The following ERBB4 variants were observed in gnomAD, a reference collection of about 807,000 sequenced individuals.
ERBB4 encodes receptor tyrosine-protein kinase erbB-4.
Under a neutral mutation model 158.0 loss-of-function variants are expected in ERBB4, and 42 were observed. The observed-to-expected ratio is 0.27, with a 90% confidence interval of 0.21 to 0.34. The LOEUF is 0.34. ERBB4 is among the 10% of genes least tolerant of loss of function. The probability of loss-of-function intolerance (pLI) is 1.00; values close to 1 mark genes in which losing one functional copy is unlikely to be tolerated. For missense variants in ERBB4, 1,333 were observed against 1,624.1 expected, an observed-to-expected ratio of 0.82 and a Z score of 3.08; for synonymous variants, 583 against 558.7, an observed-to-expected ratio of 1.04 and a Z score of -0.61.
rs190368862 is a variant in ERBB4 at position 212,155,744 on chromosome 2, T to C, written c.83-30841A>G. Among the ~76,000 whole-genome samples the C allele has an allele frequency of 6.6e-3, 1,004 of 152,222 alleles. 7 individuals are homozygous for C. Among genetic ancestry groups the C allele is most frequent in the Middle Eastern group, 0.024 (7 of 294 alleles). ...ATGTAGCTGACAAATCAGAGTAGTT[T>C]TAGATATCTGTGTGTCATCAATAAA... On this transcript the variant is annotated intron_variant, in intron 1 of 27. Coordinates refer to ENST00000342788, the MANE Select transcript of ERBB4 (RefSeq NM_005235.3).
chr2:212,063,885 C>T (rs570328379), intron 2 of ERBB4, among the ~76,000 whole-genome samples: 1 of 152,234 alleles, frequency 6.6e-6, no homozygotes, highest in Non-Finnish European at 1.5e-5. Flanking sequence ...AATGCCCTCC[C>T]TCAGGAGTAG....
At chr2:211,474,577 G>T (rs549493578) in intron 20 of ERBB4, among the ~76,000 whole-genome samples, 1 of 152,156 alleles carries the variant, frequency 6.6e-6, no homozygotes, top group East Asian at 1.9e-4. Context: ...TTACCAAGGA[G>T]TGTACAGGAA....
chr2:212,491,895 T>C (rs954470667), intron 1 of ERBB4, among the ~76,000 whole-genome samples: 1 of 151,526 alleles, frequency 6.6e-6, no homozygotes, highest in Non-Finnish European at 1.5e-5. Flanking sequence ...CATTTCACAA[T>C]GTTCCTGAAT....
At chr2:212,470,838 T>G (rs897835291) in intron 1 of ERBB4, among the ~76,000 whole-genome samples, 1 of 152,060 alleles carries the variant, frequency 6.6e-6, no homozygotes, top group Non-Finnish European at 1.5e-5. Context: ...TTTCCTAAAT[T>G]TAATTCAAGG....
chr2:211,752,894 T>C lies in ERBB4; in HGVS notation c.557-2190A>G, dbSNP rs916818370. Among the ~76,000 whole-genome samples, 8 of 152,152 alleles carry C rather than the reference T, an allele frequency of 5.3e-5. No homozygotes were observed. The East Asian group carries it at 9.6e-4, about 18-fold the overall frequency. On this transcript the variant is annotated intron_variant, in intron 4 of 27. Coordinates refer to ENST00000342788, the MANE Select transcript of ERBB4 (RefSeq NM_005235.3). ...TTTTGTTGGTAGTTTCCATTTCCAC[T>C]TGACCTACACATTTCAAAATTCTAT...
intron 1 of ERBB4, among the ~76,000 whole-genome samples, chr2:212,126,099 TAATA>T (rs2079915989): frequency 6.6e-6 from 1 of 152,200 alleles, no homozygotes; most frequent in African/African-American, 2.4e-5. Context: ...AATGGACTGA[TAATA>T]AATAATCTGT....
At chr2:211,743,190 A>C (rs1487921852) in intron 5 of ERBB4, among the ~76,000 whole-genome samples, 2 of 152,238 alleles carry the variant, frequency 1.3e-5, no homozygotes, top group Non-Finnish European at 2.9e-5. Context: ...AGCAAGAAAC[A>C]TCACTTATAA....
chr2:211,831,675 G>A (rs532252107), intron 3 of ERBB4, among the ~76,000 whole-genome samples: 1 of 152,232 alleles, frequency 6.6e-6, no homozygotes, highest in African/African-American at 2.4e-5. Context: ...GCTGAGGTGG[G>A]TGGATCACCT....
rs73988622 is a variant in ERBB4, at chr2:211,619,063, A to G, written c.2301+114T>C. The G allele has an allele frequency of 6.5e-3, 4,527 of 701,242 alleles. 149 individuals carry two copies. The African/African-American group carries it at 0.071, about 11-fold the overall frequency. The allele number at this position is 701,242 out of a possible 1,614,324, so 43.4% of individuals were successfully genotyped here. A position where few individuals can be genotyped will look rare whatever the true frequency, so the allele number is the denominator to read the frequency against. On this transcript the variant is annotated intron_variant, in intron 19 of 27. Transcript: ENST00000342788. ...ATGTCTTTAATTATAAGATTATAATATTTCCATAAGAGAAATTTGTAAGTT... is the reference window on the plus strand; with the variant it reads ...ATGTCTTTAATTATAAGATTATAATGTTTCCATAAGAGAAATTTGTAAGTT...
intron 2 of ERBB4, among the ~76,000 whole-genome samples, chr2:212,120,600 C>T (rs1437617998): frequency 6.6e-6 from 1 of 151,962 alleles, no homozygotes; most frequent in Non-Finnish European, 1.5e-5. Context: ...TGGTTTCATA[C>T]AAAATAAAAC....
intron 2 of ERBB4, among the ~76,000 whole-genome samples, chr2:212,112,172 A>T (rs2125542314): frequency 6.6e-6 from 1 of 152,260 alleles, no homozygotes; most frequent in South Asian, 2.1e-4. Flanking sequence ...GCACAGGCAG[A>T]TCTTTTGTAG....
At chr2:211,699,191 G>A (rs2073138136) in intron 12 of ERBB4, among the ~76,000 whole-genome samples, 1 of 152,140 alleles carries the variant, frequency 6.6e-6, no homozygotes, top group Non-Finnish European at 1.5e-5. Context: ...GTAAGGGTGT[G>A]TATGCACGGA....
chr2:211,579,385 T>G (rs1197009813), intron 19 of ERBB4, among the ~76,000 whole-genome samples: 1 of 152,154 alleles, frequency 6.6e-6, no homozygotes. Context: ...TGGAATATAG[T>G]GTGGCAAATC....
rs1018066399 is a variant in ERBB4, at chr2:211,790,100, G to A, written c.422-1941C>T. On this transcript the variant is annotated intron_variant, in intron 3 of 27. Transcript: ENST00000342788. Reference sequence around the variant, plus strand: ...TCAAAGCAGAAGGGAGACGTAAGACGTAAGAAAGATTGTGAAATGGATTTC... The same window carrying A: ...TCAAAGCAGAAGGGAGACGTAAGACATAAGAAAGATTGTGAAATGGATTTC... 5.9e-5 allele frequency among the ~76,000 whole-genome samples: 9 copies of A among 152,112 alleles called. No individual in the cohort carries two copies. The South Asian group carries it at 6.2e-4, about 11-fold the overall frequency.
chr2:212,294,925 A>G (rs2086354567), intron 1 of ERBB4, among the ~76,000 whole-genome samples: 1 of 152,106 alleles, frequency 6.6e-6, no homozygotes. Flanking sequence ...ATATGCCCTG[A>G]GGGCAAAGCC....
chr2:211,584,966 C>G (rs2068220348), intron 19 of ERBB4, among the ~76,000 whole-genome samples: 1 of 151,814 alleles, frequency 6.6e-6, no homozygotes, highest in Non-Finnish European at 1.5e-5. Flanking sequence ...CCACTATATT[C>G]TACACTAATA....
intron 5 of ERBB4, among the ~76,000 whole-genome samples, chr2:211,748,068 T>G (rs2075026798): frequency 1.3e-5 from 2 of 151,724 alleles, no homozygotes. Context: ...TGTATTATTT[T>G]TAATTGTTTA....
intron 4 of ERBB4, chr2:211,779,310 C>T (rs2075977327): frequency 6.6e-6 from 1 of 152,200 alleles, no homozygotes; most frequent in African/African-American, 2.4e-5. Context: ...TTAGCTAATT[C>T]ATCACTAGAT....
chr2:212,213,172 C>T (rs2082991500), intron 1 of ERBB4, among the ~76,000 whole-genome samples: 3 of 151,440 alleles, frequency 2.0e-5, no homozygotes, highest in Admixed American at 6.6e-5. Flanking sequence ...ACCCATTTGA[C>T]AAAGGTGTAA....
Sources: allele counts gnomAD v4.1 joint callset (sites outside exome capture counted in the v4.1 genomes callset), GRCh38; gene constraint gnomAD v4.1.1; transcripts MANE v1.5; gene names NCBI Gene and HGNC (gene_info 2026-07-23, HGNC 2026-07-21).